Variants in FLRT1 observed in about 807,000 individuals in gnomAD.
FLRT1 encodes leucine-rich repeat transmembrane protein FLRT1.
FLRT1 carries 14 observed loss-of-function variants against 30.9 expected under a neutral mutation model. That is an observed-to-expected ratio of 0.45 (90% CI 0.30 to 0.71). The LOEUF (loss-of-function observed/expected upper bound fraction) is 0.71, where lower values mean the gene tolerates loss of function less well. Ranked by LOEUF, FLRT1 falls within the 30% of genes least tolerant of loss-of-function variation. The pLI is 0.08. For synonymous variants in FLRT1, 368 were observed against 430.4 expected (o/e 0.85, Z 1.80); for missense variants, 737 against 949.2 (o/e 0.78, Z 2.94).
intron 1 of FLRT1, among the ~76,000 whole-genome samples, chr11:64,057,117 C>T (rs898914989): frequency 2.6e-5 from 4 of 152,214 alleles, no homozygotes; most frequent in African/African-American, 7.2e-5. Context: ...GTGTGTTCAT[C>T]GGCTCCCTAA....
chr11:64,099,048 C>T (rs909840670), intron 1 of FLRT1, among the ~76,000 whole-genome samples: 2 of 152,178 alleles, frequency 1.3e-5, no homozygotes, highest in African/African-American at 2.4e-5. Context: ...GGGAGGAAGC[C>T]CTGAGTGCCA....
intron 2 of FLRT1, among the ~76,000 whole-genome samples, chr11:64,112,700 A>C (rs564372097): frequency 1.3e-5 from 2 of 152,342 alleles, no homozygotes; most frequent in South Asian, 4.1e-4. Flanking sequence ...CTGTCCAGGC[A>C]GAGAGCACAG....
chr11:64,052,415 G>A (rs372257773), intron 1 of FLRT1, among the ~76,000 whole-genome samples: 7 of 152,186 alleles, frequency 4.6e-5, no homozygotes, highest in Non-Finnish European at 7.3e-5. Context: ...GGCCTCAAGC[G>A]ATCTTCCATC....
rs182426781 is a variant in FLRT1 at position 64,080,304 on chromosome 11, T to G, written c.-1037-22890T>G. Among the ~76,000 whole-genome samples the G allele has an allele frequency of 1.8e-4, 27 of 152,328 alleles. No homozygotes were observed. The East Asian group carries it at 4.8e-3, about 27-fold the overall frequency. ...CTGGGATTACAGACGTGAGCCACTG[T>G]GCCTGGCTGAATATTTTTCTTTATA... On this transcript the variant is annotated intron_variant, in intron 1 of 2. Transcript: ENST00000682287.
At chr11:64,053,586 G>A (rs1943732082) in intron 1 of FLRT1, among the ~76,000 whole-genome samples, 1 of 152,178 alleles carries the variant, frequency 6.6e-6, no homozygotes, top group Non-Finnish European at 1.5e-5. Flanking sequence ...GGGCCAGAGT[G>A]GGAGCAGGAA....
intron 2 of FLRT1, among the ~76,000 whole-genome samples, chr11:64,110,441 C>CT (rs1317838299): frequency 6.7e-6 from 1 of 148,834 alleles, no homozygotes; most frequent in East Asian, 2.0e-4. Flanking sequence ...CAGAGCGAGA[C>CT]TGTCTCAGAA....
chr11:64,080,145 G>A (rs530833432), intron 1 of FLRT1, among the ~76,000 whole-genome samples: 3 of 152,126 alleles, frequency 2.0e-5, no homozygotes, highest in Admixed American at 6.5e-5. Context: ...CCCGAGTAGC[G>A]GGGATTACAG....
chr11:64,105,045 T>C (rs532795221), intron 2 of FLRT1, among the ~76,000 whole-genome samples: 6 of 152,362 alleles, frequency 3.9e-5, no homozygotes, highest in African/African-American at 1.4e-4. Context: ...CACCAGGGCC[T>C]GGGACATTCG....
At chr11:64,078,750 C>A (rs1787647665) in intron 1 of FLRT1, among the ~76,000 whole-genome samples, 1 of 150,952 alleles carries the variant, frequency 6.6e-6, no homozygotes, top group African/African-American at 2.4e-5. Flanking sequence ...GCTGGGGAGA[C>A]AGGCCACAAG....
chr11:64,112,222 A>T (rs1384306732), intron 2 of FLRT1, among the ~76,000 whole-genome samples: 1 of 152,160 alleles, frequency 6.6e-6, no homozygotes, highest in African/African-American at 2.4e-5. Context: ...ACAGACAATA[A>T]AAACAAAAAA....
chr11:64,108,313 CAAAA>C (rs59331409), intron 2 of FLRT1, among the ~76,000 whole-genome samples: 1 of 100,834 alleles, frequency 9.9e-6, no homozygotes. Flanking sequence ...AACTCTGTCT[CAAAA>C]AAAAAAAAAA....
At chr11:64,083,291 C>CCGGGCATGGTGG (rs1944335160) in intron 1 of FLRT1, among the ~76,000 whole-genome samples, 1 of 152,126 alleles carries the variant, frequency 6.6e-6, no homozygotes, top group African/African-American at 2.4e-5. Context: ...AAAAAAACAG[C>CCGGGCATGGTGG]TGGGCATGGT....
At chr11:64,094,883 G>A (rs1944550195) in intron 1 of FLRT1, among the ~76,000 whole-genome samples, 1 of 152,202 alleles carries the variant, frequency 6.6e-6, no homozygotes, top group South Asian at 2.1e-4. Flanking sequence ...AGTGGATTTC[G>A]CCGAATGTCC....
At chr11:64,061,016 C>T (rs1047179859) in intron 1 of FLRT1, among the ~76,000 whole-genome samples, 8 of 152,234 alleles carry the variant, frequency 5.3e-5, no homozygotes, top group Admixed American at 2.0e-4. Flanking sequence ...ACCCAGGCAT[C>T]CTCAACCGCG....
At chr11:64,115,697 C>A (rs643243) in intron 2 of FLRT1, among the ~76,000 whole-genome samples, 80,936 of 152,034 alleles carry the variant, frequency 0.53, 24,635 homozygotes, top group Non-Finnish European at 0.68. Context: ...GGCCTTCCAG[C>A]AACAAGCTTT....
intron 1 of FLRT1, among the ~76,000 whole-genome samples, chr11:64,085,568 C>T (rs2134505117): frequency 6.6e-6 from 1 of 152,316 alleles, no homozygotes; most frequent in Non-Finnish European, 1.5e-5. Flanking sequence ...CCCCTGCCGC[C>T]CGCCCGGGTC....
intron 1 of FLRT1, among the ~76,000 whole-genome samples, chr11:64,098,437 G>T (rs1480256410): frequency 1.3e-5 from 2 of 152,184 alleles, no homozygotes; most frequent in Non-Finnish European, 2.9e-5. Context: ...CCCATTACTG[G>T]AGCGGTCCTA....
chr11:64,110,858 T>C (rs772595714), intron 2 of FLRT1, among the ~76,000 whole-genome samples: 7 of 152,118 alleles, frequency 4.6e-5, no homozygotes, highest in Non-Finnish European at 7.4e-5. Flanking sequence ...CCCAGGCAAT[T>C]AGAGATTCCT....
intron 1 of FLRT1, among the ~76,000 whole-genome samples, chr11:64,099,380 A>G (rs893938114): frequency 3.9e-5 from 6 of 152,250 alleles, no homozygotes; most frequent in Non-Finnish European, 5.9e-5. Flanking sequence ...TGTCTTGTAC[A>G]ATGCCTGGAG....
Sources: allele counts gnomAD v4.1 joint callset (sites outside exome capture counted in the v4.1 genomes callset), GRCh38; gene constraint gnomAD v4.1.1; transcripts MANE v1.5; gene names NCBI Gene and HGNC (gene_info 2026-07-23, HGNC 2026-07-21).